The following SIPA1L1 variants were observed in gnomAD, a reference collection of about 807,000 sequenced individuals.
SIPA1L1 encodes signal induced proliferation associated 1 like 1.
In SIPA1L1, 26 loss-of-function variants were observed where a neutral mutation model predicts 162.7. The ratio of observed to expected loss-of-function variants is 0.16; its 90% CI spans 0.12 to 0.22. The LOEUF (loss-of-function observed/expected upper bound fraction) is 0.22. SIPA1L1 is among the 10% of genes least tolerant of loss of function. The probability of loss-of-function intolerance (pLI) is 1.00; values close to 1 mark genes in which losing one functional copy is unlikely to be tolerated. For synonymous variants in SIPA1L1, 829 were observed against 837.4 expected, an observed-to-expected ratio of 0.99 and a Z score of 0.17; for missense variants, 1,874 against 2,241.0, an observed-to-expected ratio of 0.84 and a Z score of 3.31.
chr14:71,417,864 C>T (rs535412858), intron 2 of SIPA1L1, among the ~76,000 whole-genome samples: 1 of 152,304 alleles, frequency 6.6e-6, no homozygotes, highest in South Asian at 2.1e-4. Flanking sequence ...ATCTTCCTTT[C>T]ATCTTTGGCT....
chr14:71,331,081 A>G (rs943036874), intron 2 of SIPA1L1, among the ~76,000 whole-genome samples: 2 of 152,208 alleles, frequency 1.3e-5, no homozygotes, highest in South Asian at 4.1e-4. Context: ...ATTTTTATGT[A>G]TAGTATAAGG....
rs796887391 is a variant in SIPA1L1, at chr14:71,603,987, T to C, written c.1498+14617T>C. ...TATATATAGATATATTTATATATAT[T>C]TATATATATATAAATTTTTTTTTTT... On this transcript the variant is annotated intron_variant, in intron 5 of 23. Coordinates refer to ENST00000381232, the MANE Select transcript of SIPA1L1 (RefSeq NM_001386936.1). Among the ~76,000 whole-genome samples, 56 of 145,172 alleles carry C rather than the reference T, an allele frequency of 3.9e-4. No individual in the cohort carries two copies. In the East Asian group the frequency reaches 8.6e-3, roughly 22 times the overall value.
intron 4 of SIPA1L1, among the ~76,000 whole-genome samples, chr14:71,556,954 A>G (rs2056407111): frequency 6.6e-6 from 1 of 152,108 alleles, no homozygotes; most frequent in African/African-American, 2.4e-5. Context: ...ATCAGATTAG[A>G]GCCCTGCCTT....
chr14:71,637,140 GCACA>G (rs141827256), intron 7 of SIPA1L1, among the ~76,000 whole-genome samples: 1 of 143,726 alleles, frequency 7.0e-6, no homozygotes, highest in Non-Finnish European at 1.5e-5. Flanking sequence ...GTGCACGCGT[GCACA>G]CACACACACA....
In SIPA1L1 at chr14:71,709,440, A is replaced by G; in HGVS notation, c.3984A>G (p.Ser1328=). 1.2e-6 allele frequency: 2 copies of G among 1,614,154 alleles called. No individual in the cohort carries two copies. Among genetic ancestry groups the G allele is most frequent in the South Asian group, 2.2e-5 (2 of 91,080 alleles). Residue 1328 remains serine (S), a synonymous_variant, in exon 17 of 24, where the codon TCA becomes TCG. Coordinates refer to ENST00000381232, the MANE Select transcript of SIPA1L1 (RefSeq NM_001386936.1). ...STASLGAATS[S]PRSGPGKEKV... ...CCTCGCTGGGGGCTGCCACATCGTC[A>G]CCTCGCTCAGGGCCAGGCAAGGAGA...
rs2034844563 is a variant in SIPA1L1, at chr14:71,588,226, G to C, written c.354G>C (p.Gln118His). The change falls in exon 5 of 24, where the codon CAG (glutamine) becomes CAC (histidine). Residue 118 changes from glutamine to histidine, a missense_variant. Transcript: ENST00000381232. The surrounding 1 kb of genome is among the most constrained non-coding windows in gnomAD (Gnocchi z 4.3). ...CCTCCAAAAGCAGTCCTGTGAGTCA[G>C]GGAAGTTCTGTTAGCCTCAATTCCA... is the stretch of plus-strand genomic sequence containing the variant. ...SLSSKSSPVS[Q>H]GSSVSLNSND... The C allele has an allele frequency of 6.2e-7, 1 of 1,614,040 alleles. No homozygotes were observed.
At chr14:71,345,466 C>T (rs938827904) in intron 2 of SIPA1L1, among the ~76,000 whole-genome samples, 1 of 152,018 alleles carries the variant, frequency 6.6e-6, no homozygotes, top group African/African-American at 2.4e-5. Flanking sequence ...TAGAGGGAAG[C>T]TGGGGGAGCT....
At chr14:71,472,561 G>C (rs2047544077) in intron 2 of SIPA1L1, among the ~76,000 whole-genome samples, 1 of 151,908 alleles carries the variant, frequency 6.6e-6, no homozygotes, top group Non-Finnish European at 1.5e-5. Context: ...TGGGTGGTTT[G>C]TATAAGAATG....
chr14:71,733,602 G>A, intron 20 of SIPA1L1, 64 bp from the exon 21 acceptor site: 1 of 1,516,466 alleles, frequency 6.6e-7, no homozygotes, highest in South Asian at 1.2e-5. Context: ...ACAGGAAAGA[G>A]GTAAGTTTTG....
chr14:71,413,566 C>T (rs764754483), intron 2 of SIPA1L1, among the ~76,000 whole-genome samples: 1 of 152,022 alleles, frequency 6.6e-6, no homozygotes, highest in Non-Finnish European at 1.5e-5. Context: ...GGTGAAACCC[C>T]GTCTCTGCTA....
chr14:71,527,940 TGCA>T (rs1208468648), intron 3 of SIPA1L1, among the ~76,000 whole-genome samples: 1 of 152,108 alleles, frequency 6.6e-6, no homozygotes, highest in Non-Finnish European at 1.5e-5. Flanking sequence ...GCTGGAGGAG[TGCA>T]GCAGCACAAT....
At position 71,702,394 on chromosome 14, in the gene SIPA1L1, C is replaced by T. The variant is rs754202604; in HGVS notation, c.3535C>T (p.Arg1179Cys). Residue 1179 changes from arginine to cysteine, a missense_variant, in exon 15 of 24, where the codon CGT becomes TGT. Around this residue, in one of 5 missense-constraint regions of SIPA1L1, gnomAD observed 936 missense variants for 1,051.9 expected, o/e 0.89. Transcript: ENST00000381232. ...AAATCACCACAGGTTTGGAGTGAGC[C>T]GTAGATCCCCAGCCTCCATTGACAG... ...KSMPEGFGVSRRSPASIDRQN... is the reference protein window; with the variant it reads ...KSMPEGFGVSCRSPASIDRQN... The T allele has an allele frequency of 6.2e-6, 10 of 1,613,936 alleles. No homozygotes were observed. The highest frequency in any genetic ancestry group is 5.5e-5 in the South Asian group (5 of 91,074).
At chr14:71,420,596 C>A (rs1466647730) in intron 2 of SIPA1L1, among the ~76,000 whole-genome samples, 2 of 152,154 alleles carry the variant, frequency 1.3e-5, no homozygotes, top group Non-Finnish European at 2.9e-5. Context: ...ATCACTTTTA[C>A]TTATTATCTA....
intron 4 of SIPA1L1, among the ~76,000 whole-genome samples, chr14:71,581,296 GT>G (rs2033894871): frequency 6.6e-6 from 1 of 152,158 alleles, no homozygotes. Flanking sequence ...CTCCCAAAAT[GT>G]TGGGATTACA....
chr14:71,688,022 A>G (rs1179189632), intron 13 of SIPA1L1, among the ~76,000 whole-genome samples: 1 of 152,128 alleles, frequency 6.6e-6, no homozygotes, highest in Admixed American at 6.5e-5. Flanking sequence ...TATTAGGATG[A>G]TTTGGCTCAT....
At chr14:71,543,889 A>G (rs2054744337) in intron 4 of SIPA1L1, among the ~76,000 whole-genome samples, 1 of 113,552 alleles carries the variant, frequency 8.8e-6, no homozygotes. Flanking sequence ...ATATACATAT[A>G]TCATACGTAT....
At chr14:71,451,120 AG>A (rs1293791997) in intron 2 of SIPA1L1, among the ~76,000 whole-genome samples, 4 of 152,192 alleles carry the variant, frequency 2.6e-5, no homozygotes, top group Non-Finnish European at 5.9e-5. Context: ...ATGAACCTGG[AG>A]GACTTTATGT....
chr14:71,464,695 C>T (rs996469827), intron 2 of SIPA1L1, among the ~76,000 whole-genome samples: 1 of 152,054 alleles, frequency 6.6e-6, no homozygotes, highest in African/African-American at 2.4e-5. Flanking sequence ...ACTTAGTGGG[C>T]CCAATTCATT....
chr14:71,429,294 T>G (rs995941944), intron 2 of SIPA1L1, among the ~76,000 whole-genome samples: 1 of 152,210 alleles, frequency 6.6e-6, no homozygotes, highest in African/African-American at 2.4e-5. Context: ...TGCTCTCCAC[T>G]GGTAAACAGT....
Sources: allele counts gnomAD v4.1 joint callset (sites outside exome capture counted in the v4.1 genomes callset), GRCh38; gene constraint gnomAD v4.1.1; regional missense constraint gnomAD v4.1.1; non-coding constraint Gnocchi (gnomAD v3.1); transcripts MANE v1.5; gene names NCBI Gene and HGNC (gene_info 2026-07-23, HGNC 2026-07-21).